SHANK2: variants seen among roughly 807,000 people sequenced by gnomAD.
SHANK2 encodes the protein SH3 and multiple ankyrin repeat domains 2.
Under a neutral mutation model 133.7 loss-of-function variants are expected in SHANK2, and 43 were observed. The observed-to-expected ratio is 0.32, with a 90% CI of 0.25 to 0.41. The LOEUF is 0.41. Ranked by LOEUF, SHANK2 falls within the 10% of genes least tolerant of loss-of-function variation. The pLI is 1.00. For synonymous variants in SHANK2, 1,017 were observed against 952.8 expected (o/e 1.07, Z -1.24); for missense variants, 1,994 against 2,235.8 (o/e 0.89, Z 2.18).
intron 1 of SHANK2, among the ~76,000 whole-genome samples, chr11:71,244,485 C>CGA (rs1954936176): frequency 6.6e-6 from 1 of 152,214 alleles, no homozygotes; most frequent in Non-Finnish European, 1.5e-5. Context: ...CCAGCCTATT[C>CGA]GAGAGATCTA....
chr11:70,485,427 G>A lies in SHANK2; in HGVS notation c.4866C>T (p.Asn1622=), dbSNP rs375019983. Residue 1622 remains asparagine, a synonymous_variant, in exon 25 of 26, where the codon AAC becomes AAT. Coordinates refer to ENST00000601538, the MANE Select transcript of SHANK2 (RefSeq NM_012309.5). The surrounding 1 kb of genome is among the most constrained non-coding windows in gnomAD (Gnocchi z 5.8). ...KSPILSGPKA[N]VISELNSILQ... Reference sequence around the variant, plus strand: ...GGATAGAGTTCAATTCACTAATAACGTTTGCCTTTGGGCCTGAGAGAATCG... The same window carrying A: ...GGATAGAGTTCAATTCACTAATAACATTTGCCTTTGGGCCTGAGAGAATCG... The A allele has an allele frequency of 6.2e-6, 10 of 1,613,854 alleles. No homozygotes were observed. The highest frequency in any genetic ancestry group is 1.6e-4 in the Middle Eastern group (1 of 6,084).
chr11:70,843,767 G>T (rs969778190), intron 11 of SHANK2, among the ~76,000 whole-genome samples: 1 of 152,100 alleles, frequency 6.6e-6, no homozygotes, highest in African/African-American at 2.4e-5. Flanking sequence ...ACGGGAGACT[G>T]ATACAGGGCT....
At chr11:70,681,145 G>T (rs1565237290) in intron 15 of SHANK2, among the ~76,000 whole-genome samples, 1 of 152,304 alleles carries the variant, frequency 6.6e-6, no homozygotes, top group African/African-American at 2.4e-5. Flanking sequence ...GGCACCTGCT[G>T]GGAGGGTCCT....
intron 14 of SHANK2, among the ~76,000 whole-genome samples, chr11:70,712,829 G>A (rs1401121616): frequency 6.6e-6 from 1 of 152,252 alleles, no homozygotes; most frequent in African/African-American, 2.4e-5. Context: ...CTGGTTTCCA[G>A]TAGTGGAAGC....
At position 70,515,637 on chromosome 11, in the gene SHANK2, G is replaced by GAAA. The variant is rs58440823; in HGVS notation, c.2062-12709_2062-12707dup. On this transcript the variant is annotated intron_variant, in intron 17 of 25. Transcript: ENST00000601538. ...GCAGCATAGTGAGACCTCGTTCCTT[G>GAAA]AAAAAAAAAAAAAAAAAAAAAAACA... Among the ~76,000 whole-genome samples, 643 of 79,886 alleles carry GAAA rather than the reference G, an allele frequency of 8.0e-3. 26 individuals carry two copies. The highest frequency in any genetic ancestry group is 0.011 in the African/African-American group (208 of 18,428). 52.4% of individuals were successfully genotyped at this position (79,886 alleles called of 152,430 possible). A position where few individuals can be genotyped will look rare whatever the true frequency, so the allele number is the denominator to read the frequency against.
intron 14 of SHANK2, among the ~76,000 whole-genome samples, chr11:70,738,349 C>G (rs1235645409): frequency 6.6e-6 from 1 of 152,264 alleles, no homozygotes. Flanking sequence ...TGCACCAACC[C>G]CAACCATAAA....
chr11:70,578,597 C>T (rs967213597), intron 17 of SHANK2, among the ~76,000 whole-genome samples: 1 of 152,130 alleles, frequency 6.6e-6, no homozygotes, highest in Non-Finnish European at 1.5e-5. Flanking sequence ...AGCGTGTCCC[C>T]GAGAAGGTGG....
intron 11 of SHANK2, among the ~76,000 whole-genome samples, chr11:70,895,071 C>T (rs1764582646): frequency 6.6e-6 from 1 of 152,196 alleles, no homozygotes; most frequent in African/African-American, 2.4e-5. Context: ...GATCTCAGAG[C>T]AATTAAGTGA....
chr11:70,701,426 G>A (rs1414458281), intron 14 of SHANK2, among the ~76,000 whole-genome samples: 1 of 152,036 alleles, frequency 6.6e-6, no homozygotes, highest in East Asian at 1.9e-4. Flanking sequence ...TTTTGAGATG[G>A]AGTCTCACTC....
At chr11:71,130,332 G>A (rs1407873417) in intron 3 of SHANK2, among the ~76,000 whole-genome samples, 3 of 152,158 alleles carry the variant, frequency 2.0e-5, no homozygotes, top group East Asian at 1.9e-4. Context: ...GCAAACCAGC[G>A]CCGAAAAGTA....
intron 17 of SHANK2, among the ~76,000 whole-genome samples, chr11:70,570,274 C>T (rs2060029971): frequency 1.3e-5 from 2 of 152,174 alleles, no homozygotes; most frequent in African/African-American, 2.4e-5. Context: ...TACAAGGGGC[C>T]CAGGTCGCTC....
intron 23 of SHANK2, chr11:70,489,901 A>C: frequency 3.2e-6 from 1 of 316,396 alleles, no homozygotes. Flanking sequence ...TGGCTGGGGA[A>C]TGCAGGGAAC....
chr11:71,220,346 C>T (rs1954510628), intron 2 of SHANK2, among the ~76,000 whole-genome samples: 2 of 152,166 alleles, frequency 1.3e-5, no homozygotes, highest in South Asian at 4.1e-4. Flanking sequence ...AATAGTATAA[C>T]CGCTGTGGAA....
At chr11:70,953,583 G>C (rs12274644) in intron 10 of SHANK2, among the ~76,000 whole-genome samples, 2,559 of 152,178 alleles carry the variant, frequency 0.017, 60 homozygotes, top group African/African-American at 0.058. Context: ...CATCCAGCAT[G>C]GGAGGAAGAA....
intron 14 of SHANK2, among the ~76,000 whole-genome samples, chr11:70,766,093 C>T (rs1947116780): frequency 6.6e-6 from 1 of 152,222 alleles, no homozygotes; most frequent in South Asian, 2.1e-4. Context: ...TAATTGGAAG[C>T]AGAGTGGACA....
In SHANK2 at chr11:70,470,678, T is replaced by C. The variant is rs2058587609; in HGVS notation, c.*2191A>G. On this transcript the variant is annotated 3_prime_UTR_variant, in exon 26 of 26. Coordinates refer to ENST00000601538, the MANE Select transcript of SHANK2 (RefSeq NM_012309.5). ...TCTTGAAATTTATCTAGAGTAATGC[T>C]CATTCATCTCATGATGGAAAAACTG... is the stretch of plus-strand genomic sequence containing the variant. The C allele has an allele frequency of 6.6e-6, 1 of 152,380 alleles. No individual in the cohort carries two copies. Among genetic ancestry groups the C allele is most frequent in the South Asian group, 2.1e-4 (1 of 4,820 alleles). The allele number at this position is 152,380 out of a possible 1,614,324, so 9.4% of individuals were successfully genotyped here.
chr11:70,624,856 C>T (rs2060883286), intron 17 of SHANK2, among the ~76,000 whole-genome samples: 1 of 152,218 alleles, frequency 6.6e-6, no homozygotes, highest in African/African-American at 2.4e-5. Context: ...CGAAATGCCT[C>T]CACCCAGAGC....
At chr11:70,775,121 C>T (rs555636545) in intron 14 of SHANK2, among the ~76,000 whole-genome samples, 21 of 152,170 alleles carry the variant, frequency 1.4e-4, no homozygotes, top group African/African-American at 2.6e-4. Flanking sequence ...ATTGCACCAC[C>T]GCACTCCAGT....
At chr11:70,889,706 C>T (rs968094283) in intron 11 of SHANK2, among the ~76,000 whole-genome samples, 5 of 152,210 alleles carry the variant, frequency 3.3e-5, no homozygotes, top group Non-Finnish European at 5.9e-5. Flanking sequence ...CCAAATCATA[C>T]AGGCCGCTGG....
Sources: gnomAD v4.1 joint callset for allele counts (sites outside exome capture counted in the v4.1 genomes callset) on GRCh38, gnomAD v4.1.1 for gene constraint, Gnocchi (gnomAD v3.1) non-coding constraint, MANE v1.5 for transcripts, NCBI Gene and HGNC (gene_info 2026-07-23, HGNC 2026-07-21) for gene names.